ACOT11: variants seen among roughly 807,000 people sequenced by gnomAD.
ACOT11 encodes acyl-CoA thioesterase 11, also known as acyl-coenzyme A thioesterase 11.
Under a neutral mutation model 77.5 loss-of-function variants are expected in ACOT11, and 69 were observed. The observed-to-expected ratio is 0.89, with a 90% CI of 0.73 to 1.09. The LOEUF is 1.09. Ranked by LOEUF, ACOT11 falls within the 50% of genes least tolerant of loss-of-function variation. ACOT11 has a pLI of 0.00. For synonymous variants in ACOT11, 279 were observed against 313.0 expected, an observed-to-expected ratio of 0.89 and a Z score of 1.15; for missense variants, 766 against 813.7, an observed-to-expected ratio of 0.94 and a Z score of 0.71.
At chr1:54,630,640 C>G in intron 15 of ACOT11, 1 of 537,618 alleles carries the variant, frequency 1.9e-6, no homozygotes, top group East Asian at 3.1e-5. Flanking sequence ...GTGGATAAAT[C>G]TCTGTTCCGG....
chr1:54,570,449 C>T (rs1013020546), intron 1 of ACOT11, among the ~76,000 whole-genome samples: 1 of 152,264 alleles, frequency 6.6e-6, no homozygotes, highest in Non-Finnish European at 1.5e-5. Flanking sequence ...AGTCACAGCA[C>T]TTACCCTTGG....
intron 15 of ACOT11, chr1:54,623,631 A>C (rs1557676282): frequency 2.0e-6 from 1 of 488,714 alleles, no homozygotes; most frequent in South Asian, 3.1e-5. Flanking sequence ...GGCTAACCAG[A>C]ATATCTACCA....
chr1:54,562,102 A>C (rs1165902551), intron 1 of ACOT11, among the ~76,000 whole-genome samples: 96 of 20,788 alleles, frequency 4.6e-3, no homozygotes, highest in Middle Eastern at 0.028. Flanking sequence ...TGACCCCCCC[A>C]ACCTCCCTCC....
At chr1:54,555,995 G>A (rs918616318) in intron 1 of ACOT11, among the ~76,000 whole-genome samples, 3 of 152,068 alleles carry the variant, frequency 2.0e-5, no homozygotes, top group Non-Finnish European at 4.4e-5. Flanking sequence ...TGATCCACCC[G>A]CCTCAGTCTC....
chr1:54,636,048 G>A (rs907439923), exon 17 of ACOT11: 1 of 152,238 alleles, frequency 6.6e-6, no homozygotes, highest in African/African-American at 2.4e-5. Flanking sequence ...CCATCCCTTT[G>A]TTTCCCATAA....
rs761473627 is a variant in ACOT11 at position 54,609,401 on chromosome 1, T to C, written c.*289T>C. 1.9e-6 allele frequency: 3 copies of C among 1,613,898 alleles called. No homozygotes were observed. Among genetic ancestry groups the C allele is most frequent in the Non-Finnish European group, 1.7e-6 (2 of 1,180,012 alleles). ...AGAGGCATAGTCGCCCCCAGCTGGG[T>C]TGTGCTCCACTGTGACGGTGGCCCG... is the stretch of plus-strand genomic sequence containing the variant. On this transcript the variant is annotated 3_prime_UTR_variant, in exon 16 of 16. Coordinates refer to ENST00000343744, the MANE Select transcript of ACOT11 (RefSeq NM_147161.4).
intron 1 of ACOT11, among the ~76,000 whole-genome samples, chr1:54,565,925 C>T (rs1205761108): frequency 6.6e-6 from 1 of 152,174 alleles, no homozygotes; most frequent in African/African-American, 2.4e-5. Flanking sequence ...TATTACCTCT[C>T]ATTCTTTCCC....
intron 1 of ACOT11, chr1:54,573,411 T>C (rs188369412): frequency 8.2e-4 from 186 of 226,076 alleles, no homozygotes; most frequent in African/African-American, 3.8e-3. Context: ...TAAGGCTGTG[T>C]GATGATTAAA....
rs1296554998 is a variant in ACOT11 at position 54,584,037 on chromosome 1, C to T, written c.34-618C>T. On this transcript the variant is annotated intron_variant, in intron 1 of 15. Coordinates refer to ENST00000343744, the MANE Select transcript of ACOT11 (RefSeq NM_147161.4). This position sits in a 1 kb window ranked among gnomAD's most constrained non-coding sequence, Gnocchi z 6.3. ...TGGAGAATTTTCTCAGCCAGTTTTC[C>T]AGCTGGCAGCTGTTGTACCCAGCCC... Among the ~76,000 whole-genome samples the T allele has an allele frequency of 1.3e-5, 2 of 152,096 alleles. No individual in the cohort carries two copies. The highest frequency in any genetic ancestry group is 4.8e-5 in the African/African-American group (2 of 41,416).
At chr1:54,551,524 T>C (rs1653066732) in intron 1 of ACOT11, among the ~76,000 whole-genome samples, 1 of 152,140 alleles carries the variant, frequency 6.6e-6, no homozygotes, top group Admixed American at 6.5e-5. Flanking sequence ...CAGTCTACAC[T>C]GGGCACTGAG....
chr1:54,635,156 GA>G (rs1294879289), exon 17 of ACOT11: 1 of 237,018 alleles, frequency 4.2e-6, no homozygotes, highest in African/African-American at 2.3e-5. Flanking sequence ...TAGAAAAAAT[GA>G]ACGTACTTAT....
chr1:54,599,700 T>A (rs1643940497), intron 8 of ACOT11: 1 of 206,020 alleles, frequency 4.9e-6, no homozygotes, highest in Non-Finnish European at 9.8e-6. Context: ...TCTGTCTCCC[T>A]CCTTGGCTCC....
At chr1:54,565,890 GAA>G (rs1653715422) in intron 1 of ACOT11, among the ~76,000 whole-genome samples, 1 of 152,070 alleles carries the variant, frequency 6.6e-6, no homozygotes, top group Non-Finnish European at 1.5e-5. Context: ...ACACATTTTG[GAA>G]AGAGTTTTCT....
exon 17 of ACOT11, chr1:54,636,416 G>A (rs538806904): frequency 6.6e-6 from 1 of 152,364 alleles, no homozygotes; most frequent in African/African-American, 2.4e-5. Context: ...CTGTGCTTTA[G>A]ATATGTATAC....
intron 16 of ACOT11, among the ~76,000 whole-genome samples, chr1:54,632,056 G>T (rs1186311357): frequency 1.3e-5 from 2 of 152,094 alleles, no homozygotes; most frequent in Non-Finnish European, 2.9e-5. Context: ...TACTAAAAAA[G>T]AATGTAGAAA....
rs1401797412 is a variant in ACOT11, at chr1:54,607,551, T to C, written c.1502+286T>C. Among the ~76,000 whole-genome samples the C allele has an allele frequency of 1.3e-5, 2 of 152,154 alleles. No individual in the cohort carries two copies. Among genetic ancestry groups the C allele is most frequent in the East Asian group, 3.9e-4 (2 of 5,172 alleles). On this transcript the variant is annotated intron_variant, in intron 14 of 15. Coordinates refer to ENST00000343744, the MANE Select transcript of ACOT11 (RefSeq NM_147161.4). The surrounding 1 kb of genome is among the most constrained non-coding windows in gnomAD (Gnocchi z 4.5). ...ATGCAGGCCTTGGGCAGGATATTTCTCACGTGGCCACCTCCTTGGCCTCCT... is the reference window on the plus strand; with the variant it reads ...ATGCAGGCCTTGGGCAGGATATTTCCCACGTGGCCACCTCCTTGGCCTCCT...
At chr1:54,608,574 TGAACCCATGAGCGCCTCA>T (rs1300049772) in intron 15 of ACOT11, among the ~76,000 whole-genome samples, 1 of 152,090 alleles carries the variant, frequency 6.6e-6, no homozygotes, top group African/African-American at 2.4e-5. Context: ...TTCATATGCT[TGAACCCATGAGCGCCTCA>T]GAACCATCCC....
rs1378877189 is a variant in ACOT11 at position 54,584,787 on chromosome 1, T to C, written c.166T>C (p.Cys56Arg). ...EVQMSQLVLPCHTNQRGELSV... is the reference protein window; with the variant it reads ...EVQMSQLVLPRHTNQRGELSV... Reference sequence around the variant, plus strand: ...GCAGATGAGCCAGCTGGTGCTGCCCTGCCACACCAACCAACGTGGTGAGCT... The same window carrying C: ...GCAGATGAGCCAGCTGGTGCTGCCCCGCCACACCAACCAACGTGGTGAGCT... Residue 56 changes from cysteine to arginine, a missense_variant, in exon 2 of 16, where the codon TGC (cysteine) becomes CGC (arginine). Cys to Arg is a radical substitution (Grantham distance 180). Coordinates refer to ENST00000343744, the MANE Select transcript of ACOT11 (RefSeq NM_147161.4). The surrounding 1 kb of genome is among the most constrained non-coding windows in gnomAD (Gnocchi z 6.3). 1.2e-6 allele frequency: 2 copies of C among 1,613,952 alleles called. No homozygotes were observed. Among genetic ancestry groups the C allele is most frequent in the Admixed American group, 3.3e-5 (2 of 60,000 alleles).
At chr1:54,563,085 G>T (rs897928833) in intron 1 of ACOT11, among the ~76,000 whole-genome samples, 2 of 151,854 alleles carry the variant, frequency 1.3e-5, no homozygotes, top group African/African-American at 4.8e-5. Context: ...GCCCTGCGGG[G>T]CCCGTCCGCT....
Sources: allele counts gnomAD v4.1 joint callset (sites outside exome capture counted in the v4.1 genomes callset), GRCh38; gene constraint gnomAD v4.1.1; non-coding constraint Gnocchi (gnomAD v3.1); transcripts MANE v1.5; gene names NCBI Gene and HGNC (gene_info 2026-07-23, HGNC 2026-07-21).